Variants in MFHAS1 observed in about 807,000 individuals in gnomAD.
MFHAS1 encodes the protein malignant fibrous histiocytoma-amplified sequence 1.
A neutral mutation model predicts 70.4 loss-of-function variants in MFHAS1; 50 were observed. The observed-to-expected ratio is 0.71, with a 90% CI of 0.57 to 0.90. MFHAS1 has a LOEUF of 0.90. Among genes scored for constraint, MFHAS1 ranks in the 40% least tolerant of loss-of-function variants. The pLI is 0.00. For synonymous variants in MFHAS1, 952 were observed against 620.0 expected (o/e 1.54, Z -7.96); for missense variants, 1,795 against 1,347.6 (o/e 1.33, Z -5.20).
chr8:8,824,600 T>A (rs954659267), intron 1 of MFHAS1, among the ~76,000 whole-genome samples: 4 of 151,528 alleles, frequency 2.6e-5, no homozygotes, highest in Admixed American at 6.6e-5. Context: ...AAGAAAATGA[T>A]TCTTGCCAAT....
intron 1 of MFHAS1, among the ~76,000 whole-genome samples, chr8:8,803,810 A>G (rs1441396994): frequency 6.6e-6 from 1 of 151,662 alleles, no homozygotes; most frequent in Non-Finnish European, 1.5e-5. Flanking sequence ...CGGCTCTACT[A>G]AAAAAACAAA....
intron 1 of MFHAS1, among the ~76,000 whole-genome samples, chr8:8,829,150 G>A (rs747905963): frequency 2.0e-5 from 3 of 152,084 alleles, no homozygotes; most frequent in Non-Finnish European, 4.4e-5. Context: ...ACCCCAATAC[G>A]TCACCTCTCA....
intron 1 of MFHAS1, among the ~76,000 whole-genome samples, chr8:8,855,791 G>C (rs936208759): frequency 1.2e-4 from 18 of 152,172 alleles, no homozygotes; most frequent in Admixed American, 1.1e-3. Context: ...GGGAGGCTGA[G>C]GTTGCAGTGA....
chr8:8,789,811 AT>A (rs1805666336), intron 2 of MFHAS1, among the ~76,000 whole-genome samples: 1 of 152,050 alleles, frequency 6.6e-6, no homozygotes, highest in Admixed American at 6.6e-5. Context: ...CCAGGCCACC[AT>A]CCACCTGCCC....
At chr8:8,884,778 G>A (rs1294457652) in intron 1 of MFHAS1, among the ~76,000 whole-genome samples, 1 of 152,060 alleles carries the variant, frequency 6.6e-6, no homozygotes, top group Non-Finnish European at 1.5e-5. Context: ...GCGAAACCCT[G>A]TCTCTACAAA....
rs765147680 is a variant in MFHAS1, at chr8:8,892,375, G to A, written c.684C>T (p.Ala228=). The change falls in exon 1 of 3, where the codon GCC becomes GCT. Residue 228 remains alanine, a synonymous_variant. Transcript: ENST00000276282. This position sits in a 1 kb window ranked among gnomAD's most constrained non-coding sequence, Gnocchi z 4.7. ...GLPEDISALR[A]LKILWLSGAE... ...CCCCACTCAGCCAGAGGATCTTGAG[G>A]GCACGCAGGGCACTGATATCCTCAG... The A allele has an allele frequency of 7.1e-5, 114 of 1,612,400 alleles. No individual in the cohort carries two copies. Among genetic ancestry groups the A allele is most frequent in the Non-Finnish European group, 9.1e-5 (107 of 1,179,938 alleles).
At position 8,891,354 on chromosome 8, in the gene MFHAS1, G is replaced by T. The variant is rs763451831; in HGVS notation, c.1705C>A (p.Leu569Met). The change falls in exon 1 of 3, where the codon CTG becomes ATG. Residue 569 changes from leucine to methionine, a missense_variant. Leu to Met is a conservative substitution (Grantham distance 15). Transcript: ENST00000276282. This position sits in a 1 kb window ranked among gnomAD's most constrained non-coding sequence, Gnocchi z 5.4. ...ALQEKHDAEGLSRLAKVVDEA... is the reference protein window; with the variant it reads ...ALQEKHDAEGMSRLAKVVDEA... ...TCCACCACCTTGGCCAAGCGGCTCA[G>T]TCCCTCCGCGTCGTGCTTCTCCTGC... is the stretch of plus-strand genomic sequence containing the variant. 3 of 1,611,044 alleles carry T rather than the reference G, an allele frequency of 1.9e-6. No individual in the cohort carries two copies. The highest frequency in any genetic ancestry group is 1.1e-5 in the South Asian group (1 of 91,086).
intron 1 of MFHAS1, among the ~76,000 whole-genome samples, chr8:8,861,770 G>A (rs1251613807): frequency 1.3e-5 from 2 of 152,124 alleles, no homozygotes; most frequent in Non-Finnish European, 2.9e-5. Context: ...CCTGCTTTCT[G>A]ACAGTGTATC....
chr8:8,868,273 A>G (rs2116903145), intron 1 of MFHAS1, among the ~76,000 whole-genome samples: 1 of 151,730 alleles, frequency 6.6e-6, no homozygotes, highest in East Asian at 1.9e-4. Flanking sequence ...ATGTTATCTC[A>G]TTTCTCTACA....
chr8:8,876,107 A>T (rs546358862), intron 1 of MFHAS1, among the ~76,000 whole-genome samples: 118 of 152,318 alleles, frequency 7.7e-4, no homozygotes, highest in African/African-American at 2.7e-3. Flanking sequence ...CATTGTTCTA[A>T]GCATTTAACA....
intron 1 of MFHAS1, among the ~76,000 whole-genome samples, chr8:8,883,049 A>C: frequency 6.6e-6 from 1 of 152,142 alleles, no homozygotes; most frequent in East Asian, 1.9e-4. Context: ...GCTATTCAGG[A>C]GGCTGGAGCA....
intron 1 of MFHAS1, among the ~76,000 whole-genome samples, chr8:8,834,830 A>AC (rs1454904175): frequency 1.3e-5 from 2 of 152,184 alleles, no homozygotes; most frequent in African/African-American, 4.8e-5. Context: ...GCACGAAACC[A>AC]CCCCAGGGCC....
chr8:8,810,176 G>A lies in MFHAS1; in HGVS notation c.2999-12685C>T, dbSNP rs558230858. ...GAGACCAGAAGTTCGAGACCAGCCT[G>A]GCCGACATGGTAAAACCTCATCCTA... On this transcript the variant is annotated intron_variant, in intron 1 of 2. Transcript: ENST00000276282. Among the ~76,000 whole-genome samples the A allele has an allele frequency of 2.0e-5, 3 of 152,298 alleles. No homozygotes were observed. The South Asian group carries it at 6.2e-4, about 32-fold the overall frequency.
chr8:8,788,955 G>A (rs951855778), intron 2 of MFHAS1, among the ~76,000 whole-genome samples: 9 of 152,228 alleles, frequency 5.9e-5, no homozygotes. Context: ...ACGGCCAGGA[G>A]TTTGAACTTG....
At chr8:8,809,874 T>C (rs1270001345) in intron 1 of MFHAS1, among the ~76,000 whole-genome samples, 1 of 152,180 alleles carries the variant, frequency 6.6e-6, no homozygotes, top group Non-Finnish European at 1.5e-5. Context: ...TGGAAAATGG[T>C]TCCAGACTCA....
intron 1 of MFHAS1, among the ~76,000 whole-genome samples, chr8:8,860,996 T>C (rs181783055): frequency 1.3e-5 from 2 of 152,196 alleles, no homozygotes; most frequent in Non-Finnish European, 2.9e-5. Flanking sequence ...GAGTTCTATT[T>C]CACAGTCCCT....
intron 1 of MFHAS1, among the ~76,000 whole-genome samples, chr8:8,829,362 C>A (rs1439518176): frequency 1.3e-5 from 2 of 152,198 alleles, no homozygotes; most frequent in Non-Finnish European, 2.9e-5. Context: ...CTAGTTCATT[C>A]ATGGACATCT....
chr8:8,833,229 G>A (rs967871728), intron 1 of MFHAS1, among the ~76,000 whole-genome samples: 1 of 152,208 alleles, frequency 6.6e-6, no homozygotes, highest in South Asian at 2.1e-4. Flanking sequence ...CCCACCTTCA[G>A]CACTGGGGAT....
chr8:8,889,431 T>G (rs1585075782), intron 1 of MFHAS1, among the ~76,000 whole-genome samples: 1 of 152,246 alleles, frequency 6.6e-6, no homozygotes. Context: ...TCTCTGGAAT[T>G]TCTTAAGAAA....
Sources: gnomAD v4.1 joint callset for allele counts (sites outside exome capture counted in the v4.1 genomes callset) on GRCh38, gnomAD v4.1.1 for gene constraint, Gnocchi (gnomAD v3.1) non-coding constraint, MANE v1.5 for transcripts, NCBI Gene and HGNC (gene_info 2026-07-23, HGNC 2026-07-21) for gene names.